DCDC2C: variants seen among roughly 807,000 people sequenced by gnomAD.
DCDC2C encodes doublecortin domain-containing protein 2C.
DCDC2C carries 44 observed loss-of-function variants against 45.0 expected under a neutral mutation model. The observed-to-expected ratio is 0.98, with a 90% CI of 0.77 to 1.26. The LOEUF is 1.26. Among genes scored for constraint, DCDC2C ranks in the 50% most tolerant of loss-of-function variants. The pLI, the probability that DCDC2C is intolerant of heterozygous loss-of-function variation, is 0.00. For missense variants in DCDC2C, 447 were observed against 468.9 expected, an observed-to-expected ratio of 0.95 and a Z score of 0.43; for synonymous variants, 187 against 178.8, an observed-to-expected ratio of 1.05 and a Z score of -0.37.
intron 2 of DCDC2C, 26 bp from the exon 3 acceptor site, chr2:3,726,977 C>T (rs1376043618): frequency 6.5e-7 from 1 of 1,546,716 alleles, no homozygotes. Flanking sequence ...GAACTGAATT[C>T]CCAGGTGTGT....
At chr2:3,837,324 C>A (rs904195666) in intron 10 of DCDC2C, among the ~76,000 whole-genome samples, 9 of 152,146 alleles carry the variant, frequency 5.9e-5, no homozygotes, top group Non-Finnish European at 1.2e-4. Flanking sequence ...TTGTATTTGG[C>A]CAAATGGAAG....
intron 9 of DCDC2C, among the ~76,000 whole-genome samples, chr2:3,779,478 G>T (rs972481241): frequency 2.6e-5 from 4 of 152,202 alleles, no homozygotes; most frequent in African/African-American, 9.6e-5. Context: ...GCAACTTATC[G>T]TCCACATAAA....
intron 2 of DCDC2C, among the ~76,000 whole-genome samples, chr2:3,725,143 G>C (rs376799949): frequency 6.6e-6 from 1 of 152,180 alleles, no homozygotes; most frequent in Non-Finnish European, 1.5e-5. Context: ...AGTTTCCTGG[G>C]TGGGTGTGAA....
At chr2:3,743,617 T>C (rs1411618251) in intron 4 of DCDC2C, among the ~76,000 whole-genome samples, 2 of 152,148 alleles carry the variant, frequency 1.3e-5, no homozygotes, top group Non-Finnish European at 2.9e-5. Context: ...TCACAAATAT[T>C]TGGAAATTTA....
chr2:3,730,623 T>G (rs1558567764), intron 3 of DCDC2C, among the ~76,000 whole-genome samples: 1 of 151,864 alleles, frequency 6.6e-6, no homozygotes. Flanking sequence ...TTGGGTAGAA[T>G]GAGCAGGGAG....
rs62107570 is a variant in DCDC2C at position 3,782,077 on chromosome 2, G to A, written c.1024-2982G>A. On this transcript the variant is annotated intron_variant, in intron 9 of 10. Coordinates refer to ENST00000399143, the MANE Select transcript of DCDC2C (RefSeq NM_001287444.2). ...TATGGTCTGGTTCCAACACCTTTTC[G>A]TCCCCTCACACCGAAACTCTGTGCC... 8.7e-3 allele frequency among the ~76,000 whole-genome samples: 1,320 copies of A among 151,822 alleles called. 11 individuals carry two copies. The highest frequency in any genetic ancestry group is 0.011 in the Non-Finnish European group (754 of 67,982).
intron 10 of DCDC2C, among the ~76,000 whole-genome samples, chr2:3,811,208 A>C (rs1433249609): frequency 6.6e-6 from 1 of 152,222 alleles, no homozygotes; most frequent in African/African-American, 2.4e-5. Flanking sequence ...CTTCCTGTCC[A>C]TGAGAATGGA....
chr2:3,787,295 G>A (rs116712145), intron 10 of DCDC2C, among the ~76,000 whole-genome samples: 2 of 152,204 alleles, frequency 1.3e-5, no homozygotes, highest in African/African-American at 4.8e-5. Context: ...CAAACTGTGC[G>A]CAAATAGTTT....
intron 10 of DCDC2C, among the ~76,000 whole-genome samples, chr2:3,788,934 A>C (rs1314032508): frequency 1.4e-5 from 2 of 139,362 alleles, no homozygotes; most frequent in Non-Finnish European, 1.5e-5. Flanking sequence ...TCCGCCTCCC[A>C]CGTTCAAAAG....
At chr2:3,744,265 T>A (rs531612576) in intron 4 of DCDC2C, among the ~76,000 whole-genome samples, 1 of 152,242 alleles carries the variant, frequency 6.6e-6, no homozygotes, top group South Asian at 2.1e-4. Context: ...GGATGGAGGC[T>A]CATGGCACAG....
At chr2:3,770,000 A>C (rs6720814) in intron 8 of DCDC2C, among the ~76,000 whole-genome samples, 51,910 of 151,844 alleles carry the variant, frequency 0.34, 9,182 homozygotes, top group South Asian at 0.57. Flanking sequence ...AGGAGTGGGG[A>C]GCAGGGTTCT....
In DCDC2C at chr2:3,785,048, T is replaced by C; in HGVS notation, c.1024-11T>C. On this transcript the variant is annotated splice_polypyrimidine_tract_variant and intron_variant, in intron 9 of 10. Coordinates refer to ENST00000399143, the MANE Select transcript of DCDC2C (RefSeq NM_001287444.2). ...CGATAGTTGATTCCTATATTTGTTT[T>C]TTCATACTAGGATAAAGAAGATGCA... The C allele has an allele frequency of 8.1e-7, 1 of 1,231,438 alleles. No individual in the cohort carries two copies. The highest frequency in any genetic ancestry group is 1.0e-6 in the Non-Finnish European group (1 of 987,692). 76.3% of individuals were successfully genotyped at this position (1,231,438 alleles called of 1,614,324 possible).
At position 3,703,649 on chromosome 2, in the gene DCDC2C, A is replaced by T; in HGVS notation, c.-103A>T. On this transcript the variant is annotated 5_prime_UTR_variant, in exon 1 of 11. Transcript: ENST00000399143. The surrounding 1 kb of genome is among the most constrained non-coding windows in gnomAD (Gnocchi z 4.4). ...CGTCCTGCGCCAGCGGCTGGAGCGG[A>T]CCTCCCGTCGGCGGTGCCCGGGCCT... The T allele has an allele frequency of 1.8e-6, 2 of 1,105,066 alleles. No individual in the cohort carries two copies. The highest frequency in any genetic ancestry group is 2.3e-6 in the Non-Finnish European group (2 of 879,900). The allele number at this position is 1,105,066 out of a possible 1,614,324, so 68.5% of individuals were successfully genotyped here.
chr2:3,758,095 G>C (rs1263794729), intron 6 of DCDC2C, among the ~76,000 whole-genome samples: 2 of 152,216 alleles, frequency 1.3e-5, no homozygotes, highest in African/African-American at 4.8e-5. Flanking sequence ...GGACTGAAAA[G>C]GGAGCAAAAT....
chr2:3,790,004 G>A (rs2148188642), intron 10 of DCDC2C, among the ~76,000 whole-genome samples: 2 of 152,312 alleles, frequency 1.3e-5, no homozygotes, highest in Middle Eastern at 3.4e-3. Context: ...TGTCTATTTT[G>A]CTTTTTAGTC....
Position 3,739,544 on chromosome 2 carries a change from C to G in DCDC2C, c.417-2376C>G, listed in dbSNP as rs1038327750. On this transcript the variant is annotated intron_variant, in intron 3 of 10. Transcript: ENST00000399143. ...GAACGCACCAACAGGCACCGGCACA[C>G]CGGCAGGCCGCCGACCGGCAGAACG... Among the ~76,000 whole-genome samples the G allele has an allele frequency of 2.0e-5, 3 of 152,258 alleles. No homozygotes were observed. The East Asian group carries it at 5.8e-4, about 29-fold the overall frequency.
At chr2:3,807,928 C>T (rs549253276) in intron 10 of DCDC2C, among the ~76,000 whole-genome samples, 15 of 152,274 alleles carry the variant, frequency 9.9e-5, no homozygotes, top group Middle Eastern at 3.4e-3. Context: ...CTCCATTTTA[C>T]GGTTGTACCA....
chr2:3,831,490 A>G (rs1446641938), intron 10 of DCDC2C, among the ~76,000 whole-genome samples: 1 of 152,244 alleles, frequency 6.6e-6, no homozygotes, highest in African/African-American at 2.4e-5. Flanking sequence ...GCATCTGAAC[A>G]TATCTAATCA....
chr2:3,774,966 T>C (rs1196480273), intron 8 of DCDC2C, among the ~76,000 whole-genome samples: 1 of 152,160 alleles, frequency 6.6e-6, no homozygotes, highest in Non-Finnish European at 1.5e-5. Flanking sequence ...TGTTTCACCA[T>C]GTTAGTCAGG....
Sources: allele counts gnomAD v4.1 joint callset (sites outside exome capture counted in the v4.1 genomes callset), GRCh38; gene constraint gnomAD v4.1.1; non-coding constraint Gnocchi (gnomAD v3.1); transcripts MANE v1.5; gene names NCBI Gene and HGNC (gene_info 2026-07-23, HGNC 2026-07-21).